The following MRC1 variants were observed in gnomAD, a reference collection of about 807,000 sequenced individuals.
The protein encoded by MRC1 is macrophage mannose receptor 1.
Under a neutral mutation model 102.9 loss-of-function variants are expected in MRC1, and 62 were observed. The observed-to-expected ratio is 0.60, with a 90% CI of 0.49 to 0.74. The LOEUF (loss-of-function observed/expected upper bound fraction) is 0.74, where lower values mean the gene tolerates loss of function less well. MRC1 is among the 30% of genes least tolerant of loss of function. The probability of loss-of-function intolerance (pLI) is 0.00; values close to 1 mark genes in which losing one functional copy is unlikely to be tolerated. For synonymous variants in MRC1, 457 were observed against 298.4 expected (o/e 1.53, Z -5.48); for missense variants, 1,237 against 862.8 (o/e 1.43, Z -5.43).
At chr10:17,834,634 G>A (rs904580383) in intron 4 of MRC1, among the ~76,000 whole-genome samples, 1 of 152,142 alleles carries the variant, frequency 6.6e-6, no homozygotes, top group Admixed American at 6.5e-5. Context: ...GGCTGGTCAT[G>A]AACTCCTGGC....
At chr10:17,879,913 T>C (rs1234216124) in intron 19 of MRC1, 92 bp downstream of exon 19, 1 of 778,120 alleles carries the variant, frequency 1.3e-6, no homozygotes, top group East Asian at 2.4e-5. Flanking sequence ...TGTGCTTACA[T>C]CAGACAAGAT....
intron 1 of MRC1, among the ~76,000 whole-genome samples, chr10:17,813,739 C>A: frequency 6.9e-6 from 1 of 145,258 alleles, no homozygotes; most frequent in East Asian, 2.0e-4. Flanking sequence ...ACTCTGTCAT[C>A]CAGGCTGGAG....
chr10:17,877,966 G>A lies in MRC1; in HGVS notation c.2617G>A (p.Ala873Thr). The A allele has an allele frequency of 2.3e-6, 2 of 872,124 alleles. No homozygotes were observed. Among genetic ancestry groups the A allele is most frequent in the Non-Finnish European group, 4.0e-6 (2 of 501,184 alleles). The allele number at this position is 872,124 out of a possible 1,614,324, so 54.0% of individuals were successfully genotyped here. ...ATTGATCAGCTTGGATAAAAAGTTT[G>A]CGTAAGTAAATCAAGCTAAAAACAA... Reference protein sequence around the residue: ...GLLISLDKKFAWMDGSKVDYV... With the variant: ...GLLISLDKKFTWMDGSKVDYV... The change falls in exon 18 of 30, where the codon GCT (alanine) becomes ACT (threonine). Residue 873 changes from alanine (A) to threonine (T), a missense_variant and splice_region_variant. By Grantham distance (58) the Ala-to-Thr change is moderately conservative. Coordinates refer to ENST00000569591, the MANE Select transcript of MRC1 (RefSeq NM_002438.4).
chr10:17,845,614 C>T (rs557673012), intron 6 of MRC1, among the ~76,000 whole-genome samples, 179 bp downstream of exon 6: 7 of 152,164 alleles, frequency 4.6e-5, no homozygotes, highest in East Asian at 1.9e-4. Flanking sequence ...CCTGAGTGTG[C>T]GGCGGTGTCT....
chr10:17,834,482 A>T (rs1009565842), intron 4 of MRC1, among the ~76,000 whole-genome samples: 1 of 152,130 alleles, frequency 6.6e-6, no homozygotes, highest in South Asian at 2.1e-4. Context: ...ACGCAATCTC[A>T]GCTCACTGTA....
At chr10:17,826,211 T>C (rs1311526028) in intron 2 of MRC1, among the ~76,000 whole-genome samples, 1 of 151,662 alleles carries the variant, frequency 6.6e-6, no homozygotes, top group Non-Finnish European at 1.5e-5. Context: ...TTTTTTAAGA[T>C]TTATTTTTTG....
chr10:17,822,984 C>A, intron 1 of MRC1, 90 bp from the exon 2 acceptor site: 1 of 740,146 alleles, frequency 1.4e-6, no homozygotes. Flanking sequence ...GAGTTGGAAA[C>A]TTTTGACCTA....
intron 1 of MRC1, among the ~76,000 whole-genome samples, chr10:17,821,762 G>A (rs1467411389): frequency 6.6e-6 from 1 of 152,168 alleles, no homozygotes; most frequent in Non-Finnish European, 1.5e-5. Flanking sequence ...TGGAAACACT[G>A]AAGGACGCTA....
intron 17 of MRC1, among the ~76,000 whole-genome samples, chr10:17,876,475 T>C (rs1833439777): frequency 6.6e-6 from 1 of 152,170 alleles, no homozygotes; most frequent in Non-Finnish European, 1.5e-5. Flanking sequence ...CTTGAACTCC[T>C]GACCTTAAGT....
chr10:17,833,853 A>G lies in MRC1; in HGVS notation c.802+14A>G. The G allele has an allele frequency of 1.3e-6, 1 of 780,520 alleles. No individual in the cohort carries two copies. The highest frequency in any genetic ancestry group is 2.4e-6 in the Non-Finnish European group (1 of 417,856). The allele number at this position is 780,520 out of a possible 1,614,324, so 48.3% of individuals were successfully genotyped here. On this transcript the variant is annotated intron_variant, in intron 4 of 29. Coordinates refer to ENST00000569591, the MANE Select transcript of MRC1 (RefSeq NM_002438.4). ...CATACCTGACAGGTAAGGACATGAAAAGTCTCAAGTAAAATCATGACTGCT... is the reference window on the plus strand; with the variant it reads ...CATACCTGACAGGTAAGGACATGAAGAGTCTCAAGTAAAATCATGACTGCT...
intron 21 of MRC1, among the ~76,000 whole-genome samples, chr10:17,883,840 G>A (rs1299311648): frequency 6.6e-6 from 1 of 152,214 alleles, no homozygotes; most frequent in African/African-American, 2.4e-5. Flanking sequence ...GCTGAGGGAA[G>A]GGGAGGGGCA....
At chr10:17,877,289 TTAAA>T (rs1370366767) in intron 17 of MRC1, among the ~76,000 whole-genome samples, 10 of 147,646 alleles carry the variant, frequency 6.8e-5, no homozygotes, top group South Asian at 6.3e-4. Context: ...AAATAAATAC[TTAAA>T]TAACATGAAA....
In MRC1 at chr10:17,872,023, T is replaced by C. The variant is rs1333441944; in HGVS notation, c.2241T>C (p.Tyr747=). The change falls in exon 15 of 30, where the codon TAT becomes TAC. Residue 747 remains tyrosine, a synonymous_variant. Coordinates refer to ENST00000569591, the MANE Select transcript of MRC1 (RefSeq NM_002438.4). ...ENWAYGEPNN[Y]QNVEYCGELK... Reference sequence around the variant, plus strand: ...GGGCTTATGGAGAACCTAATAATTATCAAAATGTTGAATACTGTGGTGAGC... The same window carrying C: ...GGGCTTATGGAGAACCTAATAATTACCAAAATGTTGAATACTGTGGTGAGC... 1.3e-6 allele frequency: 1 copy of C among 780,566 alleles called. No individual in the cohort carries two copies. The highest frequency in any genetic ancestry group is 1.7e-5 in the African/African-American group (1 of 59,122). The allele number at this position is 780,566 out of a possible 1,614,324, so 48.4% of individuals were successfully genotyped here. A position where few individuals can be genotyped will look rare whatever the true frequency, so the allele number is the denominator to read the frequency against.
chr10:17,901,605 C>T (rs1160297700), intron 25 of MRC1, among the ~76,000 whole-genome samples: 1 of 151,958 alleles, frequency 6.6e-6, no homozygotes, highest in South Asian at 2.1e-4. Context: ...AGGAGAATCA[C>T]TTGAATCCGG....
rs1225082569 is a variant in MRC1 at position 17,857,747 on chromosome 10, T to A, written c.1518+1395T>A. On this transcript the variant is annotated intron_variant, in intron 9 of 29. Coordinates refer to ENST00000569591, the MANE Select transcript of MRC1 (RefSeq NM_002438.4). Reference sequence around the variant, plus strand: ...CAAAGGAAGATAATAATGCAATTTTTTTCTGCCTGGGCTTTGGCATACAGT... The same window carrying A: ...CAAAGGAAGATAATAATGCAATTTTATTCTGCCTGGGCTTTGGCATACAGT... Among the ~76,000 whole-genome samples the A allele has an allele frequency of 3.3e-5, 5 of 152,352 alleles. No homozygotes were observed. The South Asian group carries it at 1.0e-3, about 32-fold the overall frequency.
intron 27 of MRC1, 26 bp downstream of exon 27, chr10:17,907,025 A>G (rs1194484973): frequency 1.3e-6 from 1 of 780,024 alleles, no homozygotes; most frequent in Non-Finnish European, 2.4e-6. Flanking sequence ...TGCTTATTTA[A>G]TCACAAATAT....
chr10:17,845,909 T>C (rs1412687150), intron 6 of MRC1, among the ~76,000 whole-genome samples: 4 of 152,192 alleles, frequency 2.6e-5, no homozygotes, highest in Admixed American at 2.6e-4. Context: ...AAGTTGTAAC[T>C]GAATTTTATT....
chr10:17,902,248 C>G, intron 26 of MRC1, 126 bp downstream of exon 26: 1 of 641,272 alleles, frequency 1.6e-6, no homozygotes, highest in Admixed American at 2.5e-5. Flanking sequence ...TATTTTATAA[C>G]AGAATGGCCA....
chr10:17,889,061 C>T (rs1319054907), intron 22 of MRC1, among the ~76,000 whole-genome samples: 1 of 152,164 alleles, frequency 6.6e-6, no homozygotes, highest in Non-Finnish European at 1.5e-5. Context: ...ATAGTCTGCT[C>T]TGTCTGAAAT....
Sources: gnomAD v4.1 joint callset for allele counts (sites outside exome capture counted in the v4.1 genomes callset) on GRCh38, gnomAD v4.1.1 for gene constraint, MANE v1.5 for transcripts, NCBI Gene and HGNC (gene_info 2026-07-23, HGNC 2026-07-21) for gene names.